Variants in MAST4 observed in about 807,000 individuals in gnomAD.
The protein encoded by MAST4 is microtubule-associated serine/threonine-protein kinase 4.
A neutral mutation model predicts 162.7 loss-of-function variants in MAST4; 89 were observed. The observed-to-expected ratio is 0.55, with a 90% CI of 0.46 to 0.65. MAST4 has a LOEUF of 0.65. MAST4 is among the 30% of genes least tolerant of loss of function. The pLI is 0.00. For missense variants in MAST4, 3,153 were observed against 3,374.0 expected (o/e 0.93, Z 1.62); for synonymous variants, 1,479 against 1,361.1 (o/e 1.09, Z -1.91).
chr5:67,026,434 TG>T (rs1271117963), intron 4 of MAST4, among the ~76,000 whole-genome samples: 5 of 152,212 alleles, frequency 3.3e-5, no homozygotes, highest in Non-Finnish European at 7.3e-5. Context: ...ACTCACAGCC[TG>T]ATAGACTGGG....
At chr5:66,707,567 A>G (rs978913817) in intron 1 of MAST4, among the ~76,000 whole-genome samples, 3 of 152,274 alleles carry the variant, frequency 2.0e-5, no homozygotes, top group Non-Finnish European at 4.4e-5. Flanking sequence ...TTCTCTCTTT[A>G]TCTTAACATA....
At chr5:66,904,945 T>C (rs1763248705) in intron 4 of MAST4, among the ~76,000 whole-genome samples, 1 of 152,028 alleles carries the variant, frequency 6.6e-6, no homozygotes, top group Non-Finnish European at 1.5e-5. Flanking sequence ...CTAATAGACC[T>C]AGTAGACCCC....
intron 13 of MAST4, 88 bp downstream of exon 13, chr5:67,118,837 A>G (rs1767240207): frequency 2.6e-6 from 2 of 765,224 alleles, no homozygotes; most frequent in Non-Finnish European, 4.4e-6. Flanking sequence ...TGTTCAACAA[A>G]TGTTTATTGT....
chr5:66,903,438 TTGTGTGTGTGTG>T (rs3042310), intron 4 of MAST4, among the ~76,000 whole-genome samples: 2 of 148,616 alleles, frequency 1.3e-5, no homozygotes, highest in East Asian at 2.0e-4. Flanking sequence ...ACACCTGTGT[TTGTGTGTGTGTG>T]TGTGTGTGTG....
Position 66,825,261 on chromosome 5 carries a change from GACACACACACACACAC to G in MAST4, c.642+36505_642+36520del, listed in dbSNP as rs56076405. 5.2e-3 allele frequency among the ~76,000 whole-genome samples: 701 copies of G among 135,648 alleles called. 6 individuals are homozygous for G. The highest frequency in any genetic ancestry group is 5.6e-3 in the Non-Finnish European group (354 of 62,724). 89.0% of individuals were successfully genotyped at this position (135,648 alleles called of 152,430 possible). A position where few individuals can be genotyped will look rare whatever the true frequency, so the allele number is the denominator to read the frequency against. The stretch of plus-strand genomic sequence containing the variant: ...TTTAACCTTTTTTGTTAAAAACTAA[GACACACACACACACAC>G]ACACACACACACACACACACACACA... On this transcript the variant is annotated intron_variant, in intron 3 of 28. Coordinates refer to ENST00000403625, the MANE Select transcript of MAST4 (RefSeq NM_001164664.2).
intron 1 of MAST4, among the ~76,000 whole-genome samples, chr5:66,615,473 A>C (rs889492042): frequency 1.1e-4 from 16 of 152,116 alleles, no homozygotes; most frequent in Non-Finnish European, 2.2e-4. Context: ...AATAGCTCTG[A>C]GGGATCAGTT....
At chr5:67,114,312 G>A in intron 12 of MAST4, 93 bp downstream of exon 12, 4 of 1,448,866 alleles carry the variant, frequency 2.8e-6, no homozygotes, top group Admixed American at 2.7e-5. Flanking sequence ...TTTTCCTCAT[G>A]TTTTGGCTCT....
At chr5:66,719,097 A>G (rs1476715938) in intron 1 of MAST4, among the ~76,000 whole-genome samples, 2 of 152,180 alleles carry the variant, frequency 1.3e-5, no homozygotes, top group African/African-American at 2.4e-5. Context: ...AGTGAACTGC[A>G]TATGTTTGGG....
chr5:66,612,311 G>A (rs554126765), intron 1 of MAST4, among the ~76,000 whole-genome samples: 1 of 152,238 alleles, frequency 6.6e-6, no homozygotes, highest in Non-Finnish European at 1.5e-5. Flanking sequence ...TAGGGTCCTG[G>A]AGAGCAAGGG....
chr5:67,136,777 G>T, intron 19 of MAST4, 113 bp downstream of exon 19: 1 of 747,852 alleles, frequency 1.3e-6, no homozygotes, highest in South Asian at 1.6e-5. Flanking sequence ...TCTGTTAGTT[G>T]ATGTAGAACA....
intron 1 of MAST4, among the ~76,000 whole-genome samples, chr5:66,672,973 A>G (rs764597565): frequency 7.2e-5 from 11 of 152,120 alleles, no homozygotes; most frequent in Non-Finnish European, 1.5e-4. Flanking sequence ...CAGCTTCCTG[A>G]TATCTGCTGA....
At chr5:66,825,270 A>AC (rs1335365135) in intron 3 of MAST4, among the ~76,000 whole-genome samples, 1 of 54,646 alleles carries the variant, frequency 1.8e-5, no homozygotes, top group African/African-American at 7.7e-5. Flanking sequence ...AGACACACAC[A>AC]CACACACACA....
intron 3 of MAST4, among the ~76,000 whole-genome samples, chr5:66,853,954 A>G (rs1341839777): frequency 6.6e-6 from 1 of 152,202 alleles, no homozygotes; most frequent in East Asian, 1.9e-4. Context: ...ATAACAAATC[A>G]TAGTTTAAAA....
chr5:67,057,497 T>G (rs1373246898), intron 5 of MAST4, among the ~76,000 whole-genome samples: 1 of 151,508 alleles, frequency 6.6e-6, no homozygotes, highest in African/African-American at 2.4e-5. Flanking sequence ...GAAAGAGATA[T>G]TGGCATACAC....
At chr5:67,055,385 C>CT (rs1339689549) in intron 5 of MAST4, among the ~76,000 whole-genome samples, 1 of 152,154 alleles carries the variant, frequency 6.6e-6, no homozygotes, top group Admixed American at 6.5e-5. Context: ...TCACTGTACT[C>CT]TTGTGAAAAC....
chr5:66,924,955 A>C (rs13182754), intron 4 of MAST4, among the ~76,000 whole-genome samples: 1,780 of 152,322 alleles, frequency 0.012, 30 homozygotes, highest in South Asian at 0.051. Flanking sequence ...GAAAATTCTT[A>C]GATCATAAAG....
intron 3 of MAST4, among the ~76,000 whole-genome samples, chr5:66,822,666 C>T (rs1204722850): frequency 6.6e-6 from 1 of 152,092 alleles, no homozygotes. Flanking sequence ...GGCCCTGCTG[C>T]GTTTCTCTCT....
chr5:66,907,848 T>G (rs1225153781), intron 4 of MAST4, among the ~76,000 whole-genome samples: 5 of 152,186 alleles, frequency 3.3e-5, no homozygotes, highest in African/African-American at 1.2e-4. Flanking sequence ...GGAAAGAGTT[T>G]AATTCAAACA....
intron 4 of MAST4, among the ~76,000 whole-genome samples, chr5:66,916,320 G>T (rs765351744): frequency 6.6e-6 from 1 of 152,284 alleles, no homozygotes; most frequent in Non-Finnish European, 1.5e-5. Flanking sequence ...TGATACACAG[G>T]GGGGAAAGAG....
Sources: gnomAD v4.1 joint callset for allele counts (sites outside exome capture counted in the v4.1 genomes callset) on GRCh38, gnomAD v4.1.1 for gene constraint, MANE v1.5 for transcripts, NCBI Gene and HGNC (gene_info 2026-07-23, HGNC 2026-07-21) for gene names.